Variants in GHRH observed in about 807,000 individuals in gnomAD.
GHRH encodes the protein somatoliberin.
A neutral mutation model predicts 15.6 loss-of-function variants in GHRH; 7 were observed. The ratio of observed to expected loss-of-function variants is 0.45; its 90% CI spans 0.26 to 0.84. The LOEUF (loss-of-function observed/expected upper bound fraction) is 0.84. Among genes scored for constraint, GHRH ranks in the 40% least tolerant of loss-of-function variants. The pLI is 0.18. For synonymous variants in GHRH, 54 were observed against 50.4 expected, an observed-to-expected ratio of 1.07 and a Z score of -0.30; for missense variants, 117 against 138.0, an observed-to-expected ratio of 0.85 and a Z score of 0.76.
chr20:37,255,914 T>TAA (rs1189726327), intron 3 of GHRH, among the ~76,000 whole-genome samples: 1 of 152,000 alleles, frequency 6.6e-6, no homozygotes, highest in Non-Finnish European at 1.5e-5. Flanking sequence ...TAGTCCTAGC[T>TAA]ACTTGGTAGG....
intron 1 of GHRH, among the ~76,000 whole-genome samples, chr20:37,260,179 G>C (rs1458534506): frequency 6.6e-6 from 1 of 152,078 alleles, no homozygotes; most frequent in African/African-American, 2.4e-5. Flanking sequence ...AGTTAACCAA[G>C]AGGCTCAACA....
At chr20:37,252,653 A>G (rs111830618) in intron 4 of GHRH, among the ~76,000 whole-genome samples, 1,764 of 151,520 alleles carry the variant, frequency 0.012, 31 homozygotes, top group African/African-American at 0.041. Flanking sequence ...CTGTAATCCC[A>G]GCACTTTGGG....
rs1250878853 is a variant in GHRH at position 37,260,278 on chromosome 20, C to G, written c.-20+1465G>C. Among the ~76,000 whole-genome samples the G allele has an allele frequency of 3.3e-5, 5 of 152,102 alleles. No homozygotes were observed. In the East Asian group the frequency reaches 9.7e-4, roughly 29 times the overall value. The stretch of plus-strand genomic sequence containing the variant: ...AACCGAATCCATGGGTTTGCAGATC[C>G]CACTGGATGAAAATGGGAAACAAGA... On this transcript the variant is annotated intron_variant, in intron 1 of 4. Coordinates refer to ENST00000373614, the MANE Select transcript of GHRH (RefSeq NM_021081.6).
At chr20:37,256,343 T>C in intron 3 of GHRH, 51 bp downstream of exon 3, 4 of 1,212,136 alleles carry the variant, frequency 3.3e-6, no homozygotes, top group Non-Finnish European at 4.8e-6. Context: ...AACAAGCTCC[T>C]GCAGACTCTG....
chr20:37,261,401 AT>A (rs1051571644), intron 1 of GHRH, among the ~76,000 whole-genome samples: 36 of 152,242 alleles, frequency 2.4e-4, no homozygotes, highest in African/African-American at 8.0e-4. Context: ...CCATGGCAGA[AT>A]CCCATCGCTG....
At chr20:37,253,520 C>T (rs747298519) in intron 4 of GHRH, among the ~76,000 whole-genome samples, 15 of 152,174 alleles carry the variant, frequency 9.9e-5, no homozygotes, top group African/African-American at 2.9e-4. Context: ...CCTCTGGCTC[C>T]GCACTGGGAT....
At chr20:37,260,054 C>T (rs2068679630) in intron 1 of GHRH, among the ~76,000 whole-genome samples, 1 of 152,140 alleles carries the variant, frequency 6.6e-6, no homozygotes, top group Non-Finnish European at 1.5e-5. Context: ...CTATGCACAC[C>T]CAGTAGTTTC....
rs1043099577 is a variant in GHRH, at chr20:37,256,573, T to C, written c.84-75A>G. On this transcript the variant is annotated intron_variant, in intron 2 of 4. Coordinates refer to ENST00000373614, the MANE Select transcript of GHRH (RefSeq NM_021081.6). ...AGGACAGTCGTGGCTGCACTCGCCA[T>C]GTCTCTGCAAGATCCTTCTGTTGCC... 1.6e-5 allele frequency: 15 copies of C among 929,094 alleles called. No individual in the cohort carries two copies. The African/African-American group carries it at 2.4e-4, about 15-fold the overall frequency. The allele number at this position is 929,094 out of a possible 1,614,324, so 57.6% of individuals were successfully genotyped here.
chr20:37,251,868 G>A (rs2068623321), intron 4 of GHRH, among the ~76,000 whole-genome samples: 1 of 152,198 alleles, frequency 6.6e-6, no homozygotes, highest in African/African-American at 2.4e-5. Context: ...GTGATATCCT[G>A]GTATTTGCAG....
In GHRH at chr20:37,260,961, C is replaced by T. The variant is rs375553686; in HGVS notation, c.-20+782G>A. 2.6e-5 allele frequency among the ~76,000 whole-genome samples: 4 copies of T among 152,352 alleles called. No individual in the cohort carries two copies. In the East Asian group the frequency reaches 7.7e-4, roughly 29 times the overall value. On this transcript the variant is annotated intron_variant, in intron 1 of 4. Coordinates refer to ENST00000373614, the MANE Select transcript of GHRH (RefSeq NM_021081.6). ...CATTTTTGAAAACCCAGGGAAAGAACATCTTTAACCTTCCTTGAATATCCC... is the reference window on the plus strand; with the variant it reads ...CATTTTTGAAAACCCAGGGAAAGAATATCTTTAACCTTCCTTGAATATCCC...
In GHRH at chr20:37,251,836, A is replaced by C. The variant is rs117827346; in HGVS notation, c.309-605T>G. Among the ~76,000 whole-genome samples the C allele has an allele frequency of 3.5e-4, 54 of 152,356 alleles. 1 individual carries two copies. In the East Asian group the frequency reaches 0.01, roughly 29 times the overall value. On this transcript the variant is annotated intron_variant, in intron 4 of 4. Transcript: ENST00000373614. ...ATGGCTCTACTCTGCACTCTAAAGCAGGAACTTATTCCTGCTCACCAGTGA... is the reference window on the plus strand; with the variant it reads ...ATGGCTCTACTCTGCACTCTAAAGCCGGAACTTATTCCTGCTCACCAGTGA...
At chr20:37,260,204 TG>T (rs1233416253) in intron 1 of GHRH, among the ~76,000 whole-genome samples, 1 of 152,164 alleles carries the variant, frequency 6.6e-6, no homozygotes, top group Non-Finnish European at 1.5e-5. Flanking sequence ...CCACAAATCC[TG>T]TGCCCCAGGC....
chr20:37,255,196 T>A (rs1039042116), intron 3 of GHRH, among the ~76,000 whole-genome samples: 3 of 152,124 alleles, frequency 2.0e-5, no homozygotes, highest in Non-Finnish European at 4.4e-5. Context: ...AGTAAGCAAA[T>A]GTGATAAAAT....
chr20:37,254,330 C>T lies in GHRH; in HGVS notation c.189-1G>A. ...TGCTCCTCGCTCTTGGTTGCTCTCT[C>T]TGTGTGGTTAGAAAAAGAGAACTAG... On this transcript the variant is annotated splice_acceptor_variant, in intron 3 of 4. Transcript: ENST00000373614. LOFTEE classifies it high-confidence loss of function. The T allele has an allele frequency of 4.3e-6, 7 of 1,614,148 alleles. No individual in the cohort carries two copies. The highest frequency in any genetic ancestry group is 5.9e-6 in the Non-Finnish European group (7 of 1,180,000).
chr20:37,254,469 G>A (rs924547283), intron 3 of GHRH, 140 bp from the exon 4 acceptor site: 12 of 819,244 alleles, frequency 1.5e-5, no homozygotes, highest in Non-Finnish European at 2.2e-5. Context: ...TAGGGAGGCA[G>A]TATATATAGT....
rs902349877 is a variant in GHRH at position 37,258,801 on chromosome 20, G to A, written c.-19-1893C>T. On this transcript the variant is annotated intron_variant, in intron 1 of 4. Transcript: ENST00000373614. The surrounding 1 kb of genome is among the most constrained non-coding windows in gnomAD (Gnocchi z 4.1). The stretch of plus-strand genomic sequence containing the variant: ...GTGGCCCAGGCTGAGGTGCAGTGGT[G>A]CAATCATAGCTCACTACAGCCTCAA... Among the ~76,000 whole-genome samples, 8 of 152,248 alleles carry A rather than the reference G, an allele frequency of 5.3e-5. No homozygotes were observed. The highest frequency in any genetic ancestry group is 3.3e-4 in the Admixed American group (5 of 15,286).
chr20:37,256,694 G>T (rs1854654901), intron 2 of GHRH, 113 bp downstream of exon 2: 1 of 870,620 alleles, frequency 1.1e-6, no homozygotes, highest in Non-Finnish European at 1.8e-6. Context: ...AGTGGGTGCT[G>T]CCTGGAGACA....
At position 37,251,148 on chromosome 20, in the gene GHRH, A is replaced by G. The variant is rs369198216; in HGVS notation, c.*65T>C. The G allele has an allele frequency of 3.3e-6, 4 of 1,194,150 alleles. No homozygotes were observed. Among genetic ancestry groups the G allele is most frequent in the Non-Finnish European group, 4.8e-6 (4 of 829,268 alleles). The allele number at this position is 1,194,150 out of a possible 1,614,324, so 74.0% of individuals were successfully genotyped here. On this transcript the variant is annotated 3_prime_UTR_variant, in exon 5 of 5. Transcript: ENST00000373614. ...TTTCAAAGGAAAAAGTGGGTCAGAA[A>G]TGAGAGGATTAACTGGATCCAGTTG...
intron 1 of GHRH, among the ~76,000 whole-genome samples, chr20:37,259,079 C>G (rs2068673881): frequency 6.6e-6 from 1 of 152,194 alleles, no homozygotes; most frequent in Middle Eastern, 3.2e-3. Context: ...CTCACCATGT[C>G]AAGCCCAAAT....
Sources: allele counts gnomAD v4.1 joint callset (sites outside exome capture counted in the v4.1 genomes callset), GRCh38; gene constraint gnomAD v4.1.1; non-coding constraint Gnocchi (gnomAD v3.1); transcripts MANE v1.5; gene names NCBI Gene and HGNC (gene_info 2026-07-23, HGNC 2026-07-21).